The following TRAF1 variants were observed in gnomAD, a reference collection of about 807,000 sequenced individuals.
TRAF1 encodes the protein TNF receptor associated factor 1.
A neutral mutation model predicts 40.9 loss-of-function variants in TRAF1; 23 were observed. That is an observed-to-expected ratio of 0.56 (90% CI 0.40 to 0.80). TRAF1 has a LOEUF of 0.80. Ranked by LOEUF, TRAF1 falls within the 30% of genes least tolerant of loss-of-function variation. The probability of loss-of-function intolerance (pLI) is 0.00; values close to 1 mark genes in which losing one functional copy is unlikely to be tolerated. For synonymous variants in TRAF1, 206 were observed against 218.8 expected (o/e 0.94, Z 0.52); for missense variants, 477 against 528.7 (o/e 0.90, Z 0.96).
intron 5 of TRAF1, among the ~76,000 whole-genome samples, chr9:120,912,347 G>C (rs905403378): frequency 6.6e-6 from 1 of 152,166 alleles, no homozygotes; most frequent in Non-Finnish European, 1.5e-5. Context: ...ACATTAGAAT[G>C]GTCATTGGCT....
In TRAF1 at chr9:120,909,290, G is replaced by C; in HGVS notation, c.972C>G (p.Leu324=). ...ACTCCCCTCTCATGATCACGATGAAGAGCGACAGATGGGTTCTCTTTCCAG... is the reference window on the plus strand; with the variant it reads ...ACTCCCCTCTCATGATCACGATGAACAGCGACAGATGGGTTCTCTTTCCAG... The part of the protein sequence containing the change: ...DGTGKRTHLS[L]FIVIMRGEYD... The change falls in exon 7 of 8, where the codon CTC becomes CTG. Residue 324 remains leucine (L), a synonymous_variant. Transcript: ENST00000373887. 1 of 1,614,176 alleles carries C rather than the reference G, an allele frequency of 6.2e-7. No homozygotes were observed. The highest frequency in any genetic ancestry group is 8.5e-7 in the Non-Finnish European group (1 of 1,180,038).
intron 7 of TRAF1, among the ~76,000 whole-genome samples, chr9:120,908,545 A>G (rs2046500635): frequency 6.6e-6 from 1 of 152,146 alleles, no homozygotes; most frequent in Non-Finnish European, 1.5e-5. Context: ...ATTAAAAATG[A>G]AAATTTTAGT....
At chr9:120,925,005 A>G (rs1423764436) in intron 2 of TRAF1, among the ~76,000 whole-genome samples, 1 of 152,172 alleles carries the variant, frequency 6.6e-6, no homozygotes, top group Non-Finnish European at 1.5e-5. Flanking sequence ...TTGATGGTAA[A>G]ACCAGTGAAC....
rs777396718 is a variant in TRAF1 at position 120,913,588 on chromosome 9, G to A, written c.445C>T (p.Gln149Ter). Residue 149 changes from glutamine to a stop codon, truncating the protein, a stop_gained, in exon 5 of 8, where the codon CAG becomes TAG. Coordinates refer to ENST00000373887, the MANE Select transcript of TRAF1 (RefSeq NM_005658.5). LOFTEE classifies it high-confidence loss of function. ...GCCACTTCCACGGCTGCCTGCAGCT[G>A]CAGGTCTGACAGGTTCTGCTCCAGG... is the stretch of plus-strand genomic sequence containing the variant. Reference protein sequence around the residue: ...MALEQNLSDLQLQAAVEVAGD... With the variant: ...MALEQNLSDL The A allele has an allele frequency of 6.2e-7, 1 of 1,613,958 alleles. No individual in the cohort carries two copies. Among genetic ancestry groups the A allele is most frequent in the African/African-American group, 1.3e-5 (1 of 75,052 alleles).
At chr9:120,910,678 T>A (rs2046519649) in intron 6 of TRAF1, among the ~76,000 whole-genome samples, 1 of 152,368 alleles carries the variant, frequency 6.6e-6, no homozygotes, top group East Asian at 1.9e-4. Context: ...ATTATAGACA[T>A]GAGCCACTGC....
chr9:120,917,978 G>A (rs1176598136), intron 3 of TRAF1, among the ~76,000 whole-genome samples: 1 of 152,164 alleles, frequency 6.6e-6, no homozygotes, highest in Admixed American at 6.5e-5. Context: ...GGTCATTGGG[G>A]GTGGGCCCTA....
At chr9:120,916,149 T>A (rs1466322302) in intron 3 of TRAF1, among the ~76,000 whole-genome samples, 1 of 152,214 alleles carries the variant, frequency 6.6e-6, no homozygotes, top group African/African-American at 2.4e-5. Flanking sequence ...AATAATAACA[T>A]GGATGAACCT....
upstream of TRAF1, chr9:120,928,913 C>G (rs1400632538): frequency 6.6e-6 from 1 of 152,440 alleles, no homozygotes; most frequent in Admixed American, 6.5e-5. Flanking sequence ...GAGGAATGAG[C>G]CCCTGCGGGG....
chr9:120,922,381 C>T (rs969324658), intron 3 of TRAF1, among the ~76,000 whole-genome samples: 1 of 152,198 alleles, frequency 6.6e-6, no homozygotes, highest in Non-Finnish European at 1.5e-5. Flanking sequence ...AGGACAGACG[C>T]AATCTCAGAG....
intron 6 of TRAF1, among the ~76,000 whole-genome samples, chr9:120,909,798 T>C (rs1051593116): frequency 1.3e-5 from 2 of 152,226 alleles, no homozygotes; most frequent in Non-Finnish European, 2.9e-5. Context: ...TCACGGTATG[T>C]TGGGGACCCA....
chr9:120,913,657 A>G lies in TRAF1; in HGVS notation c.376T>C (p.Trp126Arg), dbSNP rs773437556. Residue 126 changes from tryptophan (W) to arginine (R), a missense_variant, in exon 5 of 8, where the codon TGG becomes CGG. Coordinates refer to ENST00000373887, the MANE Select transcript of TRAF1 (RefSeq NM_005658.5). ...LNLLLGFMKQ[W>R]KARLGCGLES... is the part of the protein sequence containing the mutation. ...AGGCCACAGCCCAGCCGGGCCTTCCACTGTTTCATGAACCCCAACAGCAGG... is the reference window on the plus strand; with the variant it reads ...AGGCCACAGCCCAGCCGGGCCTTCCGCTGTTTCATGAACCCCAACAGCAGG... 5.0e-6 allele frequency: 8 copies of G among 1,613,118 alleles called. No homozygotes were observed. Among genetic ancestry groups the G allele is most frequent in the Admixed American group, 1.7e-5 (1 of 59,972 alleles).
intron 2 of TRAF1, among the ~76,000 whole-genome samples, chr9:120,925,732 G>A (rs2046634861): frequency 1.3e-5 from 2 of 152,214 alleles, no homozygotes; most frequent in Admixed American, 6.5e-5. Context: ...CCCTGTGGGA[G>A]CTGATGCCTT....
intron 3 of TRAF1, 79 bp downstream of exon 3, chr9:120,923,626 G>A (rs552123982): frequency 1.4e-6 from 2 of 1,379,486 alleles, no homozygotes; most frequent in African/African-American, 1.4e-5. Context: ...CAGGGGTGGA[G>A]TGGGCAGCTG....
At chr9:120,916,073 T>C (rs552961471) in intron 3 of TRAF1, among the ~76,000 whole-genome samples, 1 of 152,282 alleles carries the variant, frequency 6.6e-6, no homozygotes, top group Admixed American at 6.5e-5. Context: ...CATCAGCTGG[T>C]GAGTGGGTAA....
Position 120,904,806 on chromosome 9 carries a change from G to C in TRAF1, c.*214C>G, listed in dbSNP as rs1254361127. On this transcript the variant is annotated 3_prime_UTR_variant, in exon 8 of 8. Transcript: ENST00000373887. ...CGTGCAGAGGGGAGCAGCTCTGCCTGTCTCCTTCTGGACCCTTTGCCTTTG... is the reference window on the plus strand; with the variant it reads ...CGTGCAGAGGGGAGCAGCTCTGCCTCTCTCCTTCTGGACCCTTTGCCTTTG... The C allele has an allele frequency of 8.4e-6, 5 of 597,916 alleles. No individual in the cohort carries two copies. In the African/African-American group the frequency reaches 9.3e-5, roughly 11 times the overall value. The allele number at this position is 597,916 out of a possible 1,614,324, so 37.0% of individuals were successfully genotyped here. A position where few individuals can be genotyped will look rare whatever the true frequency, so the allele number is the denominator to read the frequency against.
chr9:120,918,822 G>A (rs1387932757), intron 3 of TRAF1, among the ~76,000 whole-genome samples: 1 of 152,262 alleles, frequency 6.6e-6, no homozygotes, highest in East Asian at 1.9e-4. Flanking sequence ...CTCTCTCACA[G>A]TTGTGAGCCC....
At chr9:120,921,513 A>G (rs2046605150) in intron 3 of TRAF1, among the ~76,000 whole-genome samples, 1 of 152,132 alleles carries the variant, frequency 6.6e-6, no homozygotes, top group Admixed American at 6.5e-5. Flanking sequence ...CAACAGTCCT[A>G]GAGCATTCAA....
chr9:120,926,155 G>T lies in TRAF1; in HGVS notation c.-80C>A. 1.4e-6 allele frequency: 2 copies of T among 1,417,910 alleles called. No homozygotes were observed. Among genetic ancestry groups the T allele is most frequent in the Non-Finnish European group, 1.9e-6 (2 of 1,074,458 alleles). 87.8% of individuals were successfully genotyped at this position (1,417,910 alleles called of 1,614,324 possible). A position where few individuals can be genotyped will look rare whatever the true frequency, so the allele number is the denominator to read the frequency against. On this transcript the variant is annotated 5_prime_UTR_variant, in exon 2 of 8. Transcript: ENST00000373887. ...CCAGCCTTGTGGAGTCCTGGCCTGGGCCTCACTCTCTGGTGAGTAGGAGCT... is the reference window on the plus strand; with the variant it reads ...CCAGCCTTGTGGAGTCCTGGCCTGGTCCTCACTCTCTGGTGAGTAGGAGCT...
chr9:120,923,566 C>T, intron 3 of TRAF1, 139 bp downstream of exon 3: 1 of 759,612 alleles, frequency 1.3e-6, no homozygotes, highest in Non-Finnish European at 2.3e-6. Flanking sequence ...CTCCTTATTC[C>T]TTATAAAGCA....
Sources: gnomAD v4.1 joint callset for allele counts (sites outside exome capture counted in the v4.1 genomes callset) on GRCh38, gnomAD v4.1.1 for gene constraint, MANE v1.5 for transcripts, NCBI Gene and HGNC (gene_info 2026-07-23, HGNC 2026-07-21) for gene names.